FRK: variants seen among roughly 807,000 people sequenced by gnomAD.
FRK encodes the protein tyrosine-protein kinase FRK.
Under a neutral mutation model 56.4 loss-of-function variants are expected in FRK, and 51 were observed. The ratio of observed to expected loss-of-function variants is 0.90; its 90% CI spans 0.72 to 1.14. The LOEUF is 1.14. FRK is among the 50% of genes most tolerant of loss of function. The pLI is 0.00. For missense variants in FRK, 570 were observed against 601.4 expected (o/e 0.95, Z 0.55); for synonymous variants, 245 against 217.9 (o/e 1.12, Z -1.10).
At chr6:115,971,962 C>T (rs1377658591) in intron 2 of FRK, among the ~76,000 whole-genome samples, 1 of 152,178 alleles carries the variant, frequency 6.6e-6, no homozygotes, top group Non-Finnish European at 1.5e-5. Context: ...CTTCCCACTC[C>T]GAGCCTGCTG....
intron 1 of FRK, among the ~76,000 whole-genome samples, chr6:116,037,535 G>A (rs1407507626): frequency 6.6e-6 from 1 of 152,026 alleles, no homozygotes; most frequent in Non-Finnish European, 1.5e-5. Flanking sequence ...GAACTTTCTG[G>A]CATGCCCATA....
chr6:116,027,505 T>A (rs1776136228), intron 1 of FRK, among the ~76,000 whole-genome samples: 1 of 152,172 alleles, frequency 6.6e-6, no homozygotes, highest in Admixed American at 6.6e-5. Context: ...TTTAACTTTT[T>A]AAAAACTAGG....
At chr6:116,084,344 G>A in the FRK span, among the ~76,000 whole-genome samples, 2 of 152,182 alleles carry the variant, frequency 1.3e-5, no homozygotes, top group Non-Finnish European at 2.9e-5. Context: ...TCTAAGGTCA[G>A]TTGGTAGTCA....
intron 2 of FRK, among the ~76,000 whole-genome samples, chr6:115,998,322 C>T (rs145834369): frequency 1.3e-4 from 20 of 152,304 alleles, no homozygotes; most frequent in Middle Eastern, 3.4e-3. Context: ...ACACCAATTA[C>T]TTTCTGCCTA....
upstream of FRK, among the ~76,000 whole-genome samples, chr6:116,063,831 ATT>A (rs891235817): frequency 6.6e-6 from 1 of 151,612 alleles, no homozygotes; most frequent in African/African-American, 2.4e-5. Context: ...AGAAGGTAGT[ATT>A]TTTTTTTAAA....
chr6:116,014,527 C>T (rs1431752764), intron 1 of FRK, among the ~76,000 whole-genome samples: 1 of 149,558 alleles, frequency 6.7e-6, no homozygotes, highest in Non-Finnish European at 1.5e-5. Flanking sequence ...TATTTGTGAG[C>T]AGATTGGTTT....
chr6:116,002,447 T>G lies in FRK; in HGVS notation c.466+1430A>C, dbSNP rs192530198. Among the ~76,000 whole-genome samples the G allele has an allele frequency of 2.8e-3, 419 of 152,038 alleles. 2 individuals carry two copies. Among genetic ancestry groups the G allele is most frequent in the African/African-American group, 9.2e-3 (380 of 41,498 alleles). ...TCCTGGCCAACATGGTGAAATCCCG[T>G]CCCAACTGAAAATATAAAAACTAGC... On this transcript the variant is annotated intron_variant, in intron 2 of 7. Transcript: ENST00000606080.
At chr6:115,956,348 A>T in intron 5 of FRK, 104 bp downstream of exon 5, 1 of 722,838 alleles carries the variant, frequency 1.4e-6, no homozygotes, top group Non-Finnish European at 2.1e-6. Context: ...AGACATACAC[A>T]TAGTAAATAT....
chr6:116,026,433 AG>A (rs1776089631), intron 1 of FRK, among the ~76,000 whole-genome samples: 1 of 149,188 alleles, frequency 6.7e-6, no homozygotes, highest in African/African-American at 2.5e-5. Context: ...CTAGGCAAAG[AG>A]TTCCTAGACG....
At chr6:116,028,702 T>C (rs117479187) in intron 1 of FRK, among the ~76,000 whole-genome samples, 5,872 of 152,094 alleles carry the variant, frequency 0.039, 244 homozygotes, top group Admixed American at 0.13. Flanking sequence ...TTTATATAAG[T>C]ACATATTAGG....
intron 1 of FRK, among the ~76,000 whole-genome samples, chr6:116,021,501 C>A (rs1213116526): frequency 6.6e-6 from 1 of 152,060 alleles, no homozygotes; most frequent in Non-Finnish European, 1.5e-5. Flanking sequence ...ACTATACTTC[C>A]ACCTTCAAAT....
the FRK span, among the ~76,000 whole-genome samples, chr6:116,076,145 T>G: frequency 6.6e-6 from 1 of 152,204 alleles, no homozygotes; most frequent in African/African-American, 2.4e-5. Flanking sequence ...TATCTGTTTC[T>G]GTATGAGAAC....
In FRK at chr6:115,967,573, T is replaced by C. The variant is rs1295126653; in HGVS notation, c.777A>G (p.Val259=). 1.9e-6 allele frequency: 3 copies of C among 1,613,634 alleles called. No individual in the cohort carries two copies. The highest frequency in any genetic ancestry group is 2.5e-6 in the Non-Finnish European group (3 of 1,179,710). The change falls in exon 4 of 8, where the codon GTA becomes GTG. Residue 259 remains valine, a synonymous_variant. Transcript: ENST00000606080. ...WEGLWNNTTP[V]AVKTLKPGSM... ...CACCTGGTTTTAATGTTTTCACTGC[T>C]ACTGGAGTGGTATTGTTCCACAGAC...
chr6:116,062,742 A>G (rs1197728786), upstream of FRK, among the ~76,000 whole-genome samples: 2 of 152,184 alleles, frequency 1.3e-5, no homozygotes, highest in Admixed American at 6.5e-5. Flanking sequence ...AGGGGTGGAA[A>G]GAGAGAAGGT....
intron 1 of FRK, among the ~76,000 whole-genome samples, chr6:116,033,180 G>GA (rs71012321): frequency 1 from 151,620 of 152,234 alleles, 75,506 homozygotes; most frequent in Middle Eastern, 1. Flanking sequence ...CTGCCAGGCA[G>GA]GATGAAACAT....
At position 115,943,089 on chromosome 6, in the gene FRK, T is replaced by C. The variant is rs773462469; in HGVS notation, c.1237A>G (p.Lys413Glu). The stretch of plus-strand genomic sequence containing the variant: ...ATTCCAAATGACCATACATCGGACT[T>C]AATGCTGAATTTATTACTACGAATG... ...EAIRSNKFSI[K>E]SDVWSFGILL... The change falls in exon 7 of 8, where the codon AAG (lysine) becomes GAG (glutamate). Residue 413 changes from lysine (K) to glutamate (E), a missense_variant. Coordinates refer to ENST00000606080, the MANE Select transcript of FRK (RefSeq NM_002031.3). 1.9e-6 allele frequency: 3 copies of C among 1,613,504 alleles called. No individual in the cohort carries two copies. In the South Asian group the frequency reaches 3.3e-5, roughly 18 times the overall value.
At chr6:116,080,033 G>C in the FRK span, among the ~76,000 whole-genome samples, 3 of 152,272 alleles carry the variant, frequency 2.0e-5, no homozygotes, top group South Asian at 2.1e-4. Context: ...GTTAAAAATA[G>C]TAATGTGAAT....
the FRK span, among the ~76,000 whole-genome samples, chr6:116,072,284 A>T: frequency 1.3e-5 from 2 of 152,144 alleles, no homozygotes; most frequent in Admixed American, 6.6e-5. Flanking sequence ...TTAAATAAAT[A>T]TATGTTGAGT....
At chr6:116,051,498 A>C (rs1777178146) in intron 1 of FRK, among the ~76,000 whole-genome samples, 1 of 152,188 alleles carries the variant, frequency 6.6e-6, no homozygotes. Context: ...CCAAATAAGC[A>C]ATAAAGTAAG....
Sources: allele counts gnomAD v4.1 joint callset (sites outside exome capture counted in the v4.1 genomes callset), GRCh38; gene constraint gnomAD v4.1.1; transcripts MANE v1.5; gene names NCBI Gene and HGNC (gene_info 2026-07-23, HGNC 2026-07-21).